UNC13B: variants seen among roughly 807,000 people sequenced by gnomAD.
UNC13B encodes unc-13 homolog B, also known as protein unc-13 homolog B.
Under a neutral mutation model 211.0 loss-of-function variants are expected in UNC13B, and 144 were observed. That is an observed-to-expected ratio of 0.68 (90% CI 0.60 to 0.78). The LOEUF (loss-of-function observed/expected upper bound fraction) is 0.78. UNC13B is among the 30% of genes least tolerant of loss of function. The pLI is 0.00. For synonymous variants in UNC13B, 709 were observed against 725.8 expected, an observed-to-expected ratio of 0.98 and a Z score of 0.37; for missense variants, 1,777 against 2,002.0, an observed-to-expected ratio of 0.89 and a Z score of 2.14.
At chr9:35,230,470 CAAAA>C (rs765330072) in intron 2 of UNC13B, among the ~76,000 whole-genome samples, 2 of 50,340 alleles carry the variant, frequency 4.0e-5, no homozygotes, top group Non-Finnish European at 8.6e-5. Flanking sequence ...GACTCTGTCT[CAAAA>C]AAAAAAAAAA....
intron 11 of UNC13B, among the ~76,000 whole-genome samples, chr9:35,316,161 A>G (rs1348775116): frequency 6.6e-6 from 1 of 152,092 alleles, no homozygotes; most frequent in Non-Finnish European, 1.5e-5. Flanking sequence ...ATCTGAATCT[A>G]CCACCACTAA....
At chr9:35,377,355 C>A in intron 15 of UNC13B, 113 bp from the exon 16 acceptor site, 1 of 1,104,476 alleles carries the variant, frequency 9.1e-7, no homozygotes, top group Admixed American at 2.6e-5. Context: ...TGAGAACTAG[C>A]AACCAGGCTG....
chr9:35,266,884 T>A (rs1930361), intron 7 of UNC13B, among the ~76,000 whole-genome samples: 61,977 of 152,064 alleles, frequency 0.41, 13,248 homozygotes, highest in Admixed American at 0.51. Context: ...GAAAGAAAGG[T>A]AAGGCAGAGA....
intron 1 of UNC13B, among the ~76,000 whole-genome samples, chr9:35,221,795 C>G (rs1319891439): frequency 6.6e-6 from 1 of 152,142 alleles, no homozygotes; most frequent in Non-Finnish European, 1.5e-5. Context: ...ACATTTAGTT[C>G]TATTCCTGAC....
intron 17 of UNC13B, 83 bp from the exon 18 acceptor site, chr9:35,380,387 G>T (rs948633589): frequency 9.6e-5 from 141 of 1,465,010 alleles, no homozygotes; most frequent in Non-Finnish European, 1.1e-4. Context: ...GCAGCTGTCG[G>T]AGCTTTTGGG....
intron 17 of UNC13B, among the ~76,000 whole-genome samples, chr9:35,379,458 A>AG (rs1464562078): frequency 6.6e-6 from 1 of 151,404 alleles, no homozygotes; most frequent in Non-Finnish European, 1.5e-5. Context: ...AAAAAAGAAA[A>AG]GAAAAAAAAA....
chr9:35,317,518 CT>C (rs748345363), intron 11 of UNC13B, among the ~76,000 whole-genome samples: 26,681 of 97,662 alleles, frequency 0.27, 3,310 homozygotes, highest in African/African-American at 0.35. Context: ...GCTAAAGAAG[CT>C]TTTTTTTTTT....
chr9:35,162,509 C>G (rs962137562), intron 1 of UNC13B, among the ~76,000 whole-genome samples: 1 of 152,204 alleles, frequency 6.6e-6, no homozygotes, highest in Non-Finnish European at 1.5e-5. Flanking sequence ...GGACGATTAG[C>G]TCTCCATTCT....
At chr9:35,365,286 T>C (rs1350760719) in intron 11 of UNC13B, among the ~76,000 whole-genome samples, 1 of 152,238 alleles carries the variant, frequency 6.6e-6, no homozygotes, top group Admixed American at 6.5e-5. Flanking sequence ...CTGAAGCTTA[T>C]GTTCTGAAGC....
At chr9:35,279,274 A>G (rs2131718380) in intron 7 of UNC13B, among the ~76,000 whole-genome samples, 1 of 152,238 alleles carries the variant, frequency 6.6e-6, no homozygotes, top group South Asian at 2.1e-4. Context: ...TCGATATTTC[A>G]CATAAATGGA....
chr9:35,257,229 C>T (rs1009426059), intron 6 of UNC13B, among the ~76,000 whole-genome samples: 9 of 150,778 alleles, frequency 6.0e-5, no homozygotes, highest in East Asian at 1.9e-4. Context: ...GAGGCTGAGG[C>T]GGGTGGATCA....
chr9:35,208,937 T>G (rs980235311), intron 1 of UNC13B, among the ~76,000 whole-genome samples: 7 of 152,242 alleles, frequency 4.6e-5, no homozygotes, highest in Non-Finnish European at 8.8e-5. Flanking sequence ...AAAATCTGTT[T>G]TTCACTGTTT....
intron 2 of UNC13B, among the ~76,000 whole-genome samples, chr9:35,229,473 T>G (rs1825071882): frequency 6.6e-6 from 1 of 152,172 alleles, no homozygotes; most frequent in Non-Finnish European, 1.5e-5. Context: ...TACCCCTTCC[T>G]TTTAGCTTCA....
rs1407907209 is a variant in UNC13B at position 35,304,784 on chromosome 9, G to A, written c.5380G>A (p.Asp1794Asn). ...QQSDLAELTN[D>N]GFQSLIMSKQ... is the part of the protein sequence containing the mutation. ...GTCAGATTTAGCAGAGCTCACAAAT[G>A]ATGGCTTTCAGTCATTAATCATGAG... Residue 1794 changes from aspartate to asparagine, a missense_variant, in exon 9 of 40, where the codon GAT (aspartate) becomes AAT (asparagine). Transcript: ENST00000635942. 1.8e-5 allele frequency: 7 copies of A among 398,898 alleles called. No homozygotes were observed. The South Asian group carries it at 3.8e-4, about 22-fold the overall frequency. The allele number at this position is 398,898 out of a possible 1,614,324, so 24.7% of individuals were successfully genotyped here. A position where few individuals can be genotyped will look rare whatever the true frequency, so the allele number is the denominator to read the frequency against.
intron 11 of UNC13B, among the ~76,000 whole-genome samples, chr9:35,355,614 A>G (rs750269218): frequency 7.9e-5 from 12 of 152,086 alleles, no homozygotes; most frequent in Non-Finnish European, 1.8e-4. Context: ...TTCTATTCTT[A>G]ATACATTCAT....
chr9:35,218,998 C>G (rs1429519720), intron 1 of UNC13B, among the ~76,000 whole-genome samples: 1 of 152,152 alleles, frequency 6.6e-6, no homozygotes, highest in African/African-American at 2.4e-5. Flanking sequence ...ATCTGCCTGC[C>G]TCGGCCTCCC....
chr9:35,307,746 C>T lies in UNC13B; in HGVS notation c.8342C>T (p.Thr2781Ile). Residue 2781 changes from threonine (T) to isoleucine (I), a missense_variant, in exon 9 of 40, where the codon ACT becomes ATT. By Grantham distance (89) the Thr-to-Ile change is moderately conservative. Transcript: ENST00000635942. ...AAGCTTCGTTTGCCATCCTCTGCTA[C>T]TAACCATGGGAAACCACTGAGCTCT... Reference protein sequence around the residue: ...WPKLRLPSSATNHGKPLSSFF... With the variant: ...WPKLRLPSSAINHGKPLSSFF... 1 of 399,104 alleles carries T rather than the reference C, an allele frequency of 2.5e-6. No homozygotes were observed. Among genetic ancestry groups the T allele is most frequent in the Non-Finnish European group, 4.4e-6 (1 of 226,102 alleles). The allele number at this position is 399,104 out of a possible 1,614,324, so 24.7% of individuals were successfully genotyped here. A position where few individuals can be genotyped will look rare whatever the true frequency, so the allele number is the denominator to read the frequency against.
At chr9:35,180,567 A>G (rs1015016688) in intron 1 of UNC13B, among the ~76,000 whole-genome samples, 21 of 151,938 alleles carry the variant, frequency 1.4e-4, no homozygotes, top group African/African-American at 4.8e-4. Context: ...TACTGCAGGG[A>G]GAGGGCTGTG....
In UNC13B at chr9:35,398,636, G is replaced by A. The variant is rs139577182; in HGVS notation, c.11915G>A (p.Gly3972Glu). 1,417 of 1,613,938 alleles carry A rather than the reference G, an allele frequency of 8.8e-4. 2 individuals are homozygous for A. The highest frequency in any genetic ancestry group is 1.0e-3 in the South Asian group (94 of 91,070). ...TVLDELSMVF[G>E]NSFQVRIDEC... ...CTGGATGAGCTCAGCATGGTGTTTG[G>A]AAACAGGTCAGTGACCCCACAATAC... Residue 3972 changes from glycine to glutamate, a missense_variant, in exon 32 of 40, where the codon GGA becomes GAA. Physicochemically the swap from Gly to Glu is moderately conservative, Grantham distance 98. Coordinates refer to ENST00000635942, the MANE Select transcript of UNC13B (RefSeq NM_001371189.2).
Sources: allele counts gnomAD v4.1 joint callset (sites outside exome capture counted in the v4.1 genomes callset), GRCh38; gene constraint gnomAD v4.1.1; transcripts MANE v1.5; gene names NCBI Gene and HGNC (gene_info 2026-07-23, HGNC 2026-07-21).